The following NEK6 variants were observed in gnomAD, a reference collection of about 807,000 sequenced individuals.
NEK6 encodes serine/threonine-protein kinase Nek6.
Under a neutral mutation model 43.5 loss-of-function variants are expected in NEK6, and 27 were observed. That is an observed-to-expected ratio of 0.62 (90% CI 0.46 to 0.86). The LOEUF (loss-of-function observed/expected upper bound fraction) is 0.86. Among genes scored for constraint, NEK6 ranks in the 40% least tolerant of loss-of-function variants. The pLI is 0.00. For synonymous variants in NEK6, 167 were observed against 164.1 expected, an observed-to-expected ratio of 1.02 and a Z score of -0.14; for missense variants, 318 against 414.4, an observed-to-expected ratio of 0.77 and a Z score of 2.02.
chr9:124,271,668 T>C (rs1732664030), intron 1 of NEK6, among the ~76,000 whole-genome samples: 1 of 152,240 alleles, frequency 6.6e-6, no homozygotes, highest in South Asian at 2.1e-4. Flanking sequence ...TAGTGCTCTT[T>C]GCACACGAAT....
At chr9:124,270,264 G>A (rs926818372) in intron 1 of NEK6, among the ~76,000 whole-genome samples, 1 of 152,180 alleles carries the variant, frequency 6.6e-6, no homozygotes, top group East Asian at 1.9e-4. Flanking sequence ...CACACAAGAC[G>A]GCAATGAACG....
chr9:124,283,292 GTAAATTTCATGCCAC>G (rs1832005695), intron 1 of NEK6, among the ~76,000 whole-genome samples: 1 of 152,224 alleles, frequency 6.6e-6, no homozygotes, highest in Non-Finnish European at 1.5e-5. Flanking sequence ...AGCCCAGAAC[GTAAATTTCATGCCAC>G]TCCTGCGACG....
At chr9:124,304,234 G>A (rs1387861578) in intron 2 of NEK6, among the ~76,000 whole-genome samples, 3 of 152,228 alleles carry the variant, frequency 2.0e-5, no homozygotes, top group African/African-American at 7.2e-5. Flanking sequence ...CACTGTCTGG[G>A]GAGACATCCC....
chr9:124,306,271 G>A (rs1031999256), intron 2 of NEK6, among the ~76,000 whole-genome samples: 4 of 152,192 alleles, frequency 2.6e-5, no homozygotes, highest in Non-Finnish European at 2.9e-5. Flanking sequence ...CTTGTGAGTC[G>A]TCGGAGCTGG....
At position 124,351,951 on chromosome 9, in the gene NEK6, G is replaced by A. The variant is rs2131127832; in HGVS notation, c.*1004G>A. 1 of 152,734 alleles carries A rather than the reference G, an allele frequency of 6.5e-6. No homozygotes were observed. Among genetic ancestry groups the A allele is most frequent in the South Asian group, 2.1e-4 (1 of 4,830 alleles). 9.5% of individuals were successfully genotyped at this position (152,734 alleles called of 1,614,324 possible). On this transcript the variant is annotated 3_prime_UTR_variant, in exon 10 of 10. Transcript: ENST00000320246. ...GGTAGCCACTCACCCTTCACAAACT[G>A]AAGTCCATGGACCACGGAAGTCGAG...
chr9:124,272,176 C>T (rs1177036500), intron 1 of NEK6, among the ~76,000 whole-genome samples: 1 of 152,244 alleles, frequency 6.6e-6, no homozygotes, highest in African/African-American at 2.4e-5. Flanking sequence ...GAGCTCGGAG[C>T]TTGGTGGCCC....
At chr9:124,271,807 A>C (rs774160828) in intron 1 of NEK6, among the ~76,000 whole-genome samples, 2 of 152,250 alleles carry the variant, frequency 1.3e-5, no homozygotes, top group Non-Finnish European at 2.9e-5. Flanking sequence ...GCCCCTGAGC[A>C]GTCCATCCTT....
chr9:124,277,043 G>A (rs1831677031), intron 1 of NEK6, among the ~76,000 whole-genome samples: 1 of 152,198 alleles, frequency 6.6e-6, no homozygotes, highest in African/African-American at 2.4e-5. Context: ...AAATGACGGT[G>A]CTAAGGCTGG....
chr9:124,282,450 T>C (rs1190962677), intron 1 of NEK6, among the ~76,000 whole-genome samples: 1 of 152,248 alleles, frequency 6.6e-6, no homozygotes, highest in East Asian at 1.9e-4. Context: ...TAAGGGCCTA[T>C]GCCCCAGTTC....
At chr9:124,303,408 T>C (rs1390160815) in intron 2 of NEK6, among the ~76,000 whole-genome samples, 1 of 152,232 alleles carries the variant, frequency 6.6e-6, no homozygotes, top group Non-Finnish European at 1.5e-5. Flanking sequence ...GTACAGGTTA[T>C]GCACTGCACA....
rs1588500020 is a variant in NEK6 at position 124,313,979 on chromosome 9, C to G, written c.288C>G (p.Leu96=). ...ARQDCVKEIG[L]LKQLNHPNII... ...AGGACTGTGTCAAGGAGATCGGCCT[C>G]TTGAAGGTGAGCACCCTGGGCCGAG... is the stretch of plus-strand genomic sequence containing the variant. The change falls in exon 4 of 10, where the codon CTC becomes CTG. Residue 96 remains leucine (L), a synonymous_variant. Coordinates refer to ENST00000320246, the MANE Select transcript of NEK6 (RefSeq NM_014397.6). 1.2e-6 allele frequency: 2 copies of G among 1,614,060 alleles called. No homozygotes were observed. The highest frequency in any genetic ancestry group is 1.7e-6 in the Non-Finnish European group (2 of 1,180,012).
intron 2 of NEK6, among the ~76,000 whole-genome samples, chr9:124,310,866 G>A (rs1369420372): frequency 6.6e-6 from 1 of 152,230 alleles, no homozygotes; most frequent in Non-Finnish European, 1.5e-5. Context: ...GATTACAGGC[G>A]TGAGCCACTG....
chr9:124,310,282 C>T (rs74582449), intron 2 of NEK6, among the ~76,000 whole-genome samples: 1 of 152,200 alleles, frequency 6.6e-6, no homozygotes, highest in African/African-American at 2.4e-5. Flanking sequence ...AGAGTGGGCG[C>T]GTGGGCGGTG....
chr9:124,315,820 C>G (rs1470519541), intron 4 of NEK6, among the ~76,000 whole-genome samples: 2 of 152,238 alleles, frequency 1.3e-5, no homozygotes, highest in African/African-American at 4.8e-5. Flanking sequence ...GGGCACCAAG[C>G]CGGGGTTTCA....
chr9:124,336,099 A>G (rs1362585984), intron 7 of NEK6, among the ~76,000 whole-genome samples: 3 of 152,164 alleles, frequency 2.0e-5, no homozygotes, highest in Non-Finnish European at 4.4e-5. Flanking sequence ...TTAGCCAGGC[A>G]TGGTGGTGTG....
chr9:124,329,195 G>T (rs1828836536), intron 7 of NEK6, among the ~76,000 whole-genome samples: 1 of 152,278 alleles, frequency 6.6e-6, no homozygotes, highest in Non-Finnish European at 1.5e-5. Flanking sequence ...CTTCCCTTGT[G>T]AAAAACCAAG....
At chr9:124,309,773 G>T (rs888508523) in intron 2 of NEK6, among the ~76,000 whole-genome samples, 2 of 152,344 alleles carry the variant, frequency 1.3e-5, no homozygotes, top group South Asian at 2.1e-4. Flanking sequence ...GTTTATGAGG[G>T]TATGTGATTT....
At chr9:124,291,746 C>T (rs576391427) in intron 1 of NEK6, 1 of 885,504 alleles carries the variant, frequency 1.1e-6, no homozygotes, top group South Asian at 5.2e-5. Flanking sequence ...CCTTGTCCCT[C>T]CCTGAGCCTA....
At chr9:124,295,947 G>A (rs1832667837) in intron 1 of NEK6, among the ~76,000 whole-genome samples, 1 of 152,268 alleles carries the variant, frequency 6.6e-6, no homozygotes, top group Admixed American at 6.5e-5. Context: ...AAACAAGGGT[G>A]ATGGTACTTT....
Sources: allele counts gnomAD v4.1 joint callset (sites outside exome capture counted in the v4.1 genomes callset), GRCh38; gene constraint gnomAD v4.1.1; transcripts MANE v1.5; gene names NCBI Gene and HGNC (gene_info 2026-07-23, HGNC 2026-07-21).